MGAT4C: variants seen among roughly 807,000 people sequenced by gnomAD.
The protein encoded by MGAT4C is alpha-1,3-mannosyl-glycoprotein 4-beta-N-acetylglucosaminyltransferase C.
Under a neutral mutation model 40.1 loss-of-function variants are expected in MGAT4C, and 19 were observed. The observed-to-expected ratio is 0.47, with a 90% CI of 0.33 to 0.70. MGAT4C has a LOEUF of 0.70. MGAT4C is among the 30% of genes least tolerant of loss of function. MGAT4C has a pLI of 0.02. For synonymous variants in MGAT4C, 181 were observed against 187.1 expected (o/e 0.97, Z 0.27); for missense variants, 491 against 563.2 (o/e 0.87, Z 1.30).
intron 2 of MGAT4C, among the ~76,000 whole-genome samples, chr12:86,724,679 T>C (rs1950793059): frequency 1.3e-5 from 2 of 152,232 alleles, no homozygotes; most frequent in African/African-American, 4.8e-5. Flanking sequence ...AGCCTTTGAT[T>C]TTGGTGAAAT....
chr12:86,606,188 G>A (rs552027820), intron 2 of MGAT4C, among the ~76,000 whole-genome samples: 1 of 152,144 alleles, frequency 6.6e-6, no homozygotes, highest in Non-Finnish European at 1.5e-5. Flanking sequence ...GACGCATGGG[G>A]ATTATGGGAA....
intron 2 of MGAT4C, among the ~76,000 whole-genome samples, chr12:86,454,041 G>A (rs952048733): frequency 2.0e-5 from 3 of 151,934 alleles, no homozygotes; most frequent in African/African-American, 4.8e-5. Flanking sequence ...ATATGATGAT[G>A]TTTTCAAAGA....
intron 1 of MGAT4C, among the ~76,000 whole-genome samples, chr12:86,790,783 G>A (rs774312138): frequency 3.9e-5 from 6 of 152,070 alleles, no homozygotes; most frequent in Non-Finnish European, 5.9e-5. Context: ...GAGAGTCAAT[G>A]TTAATGTTCA....
chr12:86,320,518 T>C (rs1408131204), intron 4 of MGAT4C, among the ~76,000 whole-genome samples: 1 of 152,156 alleles, frequency 6.6e-6, no homozygotes, highest in Admixed American at 6.5e-5. Context: ...GAATTTGCCA[T>C]GTACCAAAAA....
intron 1 of MGAT4C, among the ~76,000 whole-genome samples, chr12:86,245,121 A>T (rs1314022184): frequency 6.6e-6 from 1 of 152,184 alleles, no homozygotes; most frequent in Non-Finnish European, 1.5e-5. Flanking sequence ...AACTAAAAAA[A>T]ATACACCAAA....
chr12:86,530,067 T>G (rs1266644953), intron 2 of MGAT4C, among the ~76,000 whole-genome samples: 4 of 152,026 alleles, frequency 2.6e-5, no homozygotes, highest in Non-Finnish European at 5.9e-5. Context: ...TGTCAATCTT[T>G]AATTGGGTGA....
chr12:86,647,203 C>G (rs1003620222), intron 2 of MGAT4C, among the ~76,000 whole-genome samples: 4 of 151,852 alleles, frequency 2.6e-5, no homozygotes, highest in Non-Finnish European at 5.9e-5. Context: ...AAATATACAG[C>G]CACTCAAAGA....
chr12:86,711,605 T>C (rs1298576529), intron 2 of MGAT4C, among the ~76,000 whole-genome samples: 1 of 152,150 alleles, frequency 6.6e-6, no homozygotes, highest in Non-Finnish European at 1.5e-5. Context: ...AGTTCAGTAG[T>C]ATAAGATCTC....
intron 1 of MGAT4C, among the ~76,000 whole-genome samples, chr12:86,238,107 A>G (rs1184842449): frequency 6.6e-6 from 1 of 152,016 alleles, no homozygotes; most frequent in East Asian, 1.9e-4. Context: ...GTGAACCTAA[A>G]ATAAAATTAG....
intron 3 of MGAT4C, among the ~76,000 whole-genome samples, chr12:86,354,706 A>C (rs1187905119): frequency 1.3e-5 from 2 of 152,204 alleles, no homozygotes; most frequent in Non-Finnish European, 2.9e-5. Context: ...CTTGAATGTA[A>C]GTTTGAATCT....
chr12:86,561,219 T>TA (rs1312722450), intron 2 of MGAT4C, among the ~76,000 whole-genome samples: 4 of 152,002 alleles, frequency 2.6e-5, no homozygotes, highest in South Asian at 2.1e-4. Context: ...TTATCAGAAA[T>TA]AAAAAAAATT....
chr12:86,138,577 T>A (rs1882355811), intron 1 of MGAT4C, among the ~76,000 whole-genome samples: 1 of 146,844 alleles, frequency 6.8e-6, no homozygotes, highest in South Asian at 2.1e-4. Context: ...CATAGATATA[T>A]CATATATATA....
intron 4 of MGAT4C, among the ~76,000 whole-genome samples, chr12:85,980,730 T>C (rs1317588418): frequency 1.3e-5 from 2 of 152,146 alleles, no homozygotes; most frequent in Admixed American, 1.3e-4. Flanking sequence ...TTTAAAGTGT[T>C]CTGCAGCTTA....
chr12:86,510,749 A>C (rs535486392), intron 2 of MGAT4C, among the ~76,000 whole-genome samples: 11 of 152,202 alleles, frequency 7.2e-5, no homozygotes, highest in Non-Finnish European at 1.5e-4. Context: ...AAAGAAGGCC[A>C]TTATATAATG....
In MGAT4C at chr12:86,340,149, A is replaced by G. The variant is rs571092667; in HGVS notation, c.-119-6022T>C. ...ATAACAGAAGAGTTCATTTTGCTTC[A>G]TGTGCTTTTATTCTTTATTTCAGTC... is the stretch of plus-strand genomic sequence containing the variant. On this transcript the variant is annotated intron_variant, in intron 3 of 7. Transcript: ENST00000548651. 3.3e-4 allele frequency among the ~76,000 whole-genome samples: 50 copies of G among 152,324 alleles called. No individual in the cohort carries two copies. In the South Asian group the frequency reaches 0.01, roughly 32 times the overall value.
chr12:86,641,375 G>C (rs534195724), intron 2 of MGAT4C, among the ~76,000 whole-genome samples: 11 of 151,592 alleles, frequency 7.3e-5, no homozygotes, highest in Non-Finnish European at 1.5e-4. Flanking sequence ...GTTGTGGGGT[G>C]GGGGGAGAGG....
intron 2 of MGAT4C, among the ~76,000 whole-genome samples, chr12:86,496,096 C>G (rs1352563511): frequency 6.6e-6 from 1 of 151,964 alleles, no homozygotes; most frequent in African/African-American, 2.4e-5. Flanking sequence ...CTTACTGTCT[C>G]GGTGATTGTC....
At chr12:86,366,964 G>C (rs540176473) in intron 3 of MGAT4C, among the ~76,000 whole-genome samples, 19 of 152,116 alleles carry the variant, frequency 1.2e-4, no homozygotes, top group Admixed American at 2.6e-4. Flanking sequence ...ATGATAAATA[G>C]CATCTACAAA....
At chr12:86,463,751 T>C (rs1160303172) in intron 2 of MGAT4C, among the ~76,000 whole-genome samples, 1 of 152,218 alleles carries the variant, frequency 6.6e-6, no homozygotes, top group Non-Finnish European at 1.5e-5. Context: ...ATGAATACAG[T>C]AGAGATAACT....
Sources: gnomAD v4.1 joint callset for allele counts (sites outside exome capture counted in the v4.1 genomes callset) on GRCh38, gnomAD v4.1.1 for gene constraint, MANE v1.5 for transcripts, NCBI Gene and HGNC (gene_info 2026-07-23, HGNC 2026-07-21) for gene names.